The following RBMS3 variants were observed in gnomAD, a reference collection of about 807,000 sequenced individuals.
RBMS3 encodes the protein RNA binding motif single stranded interacting protein 3, also known as RNA-binding motif, single-stranded-interacting protein 3.
A neutral mutation model predicts 66.8 loss-of-function variants in RBMS3; 27 were observed. The ratio of observed to expected loss-of-function variants is 0.40; its 90% CI spans 0.30 to 0.56. The LOEUF is 0.56. Ranked by LOEUF, RBMS3 falls within the 20% of genes least tolerant of loss-of-function variation. The probability of loss-of-function intolerance (pLI) is 0.40; values close to 1 mark genes in which losing one functional copy is unlikely to be tolerated. For synonymous variants in RBMS3, 188 were observed against 183.0 expected (o/e 1.03, Z -0.22); for missense variants, 513 against 549.5 (o/e 0.93, Z 0.66).
At chr3:29,460,167 G>A (rs1037973351) in intron 2 of RBMS3, among the ~76,000 whole-genome samples, 13 of 152,108 alleles carry the variant, frequency 8.5e-5, no homozygotes, top group African/African-American at 2.4e-4. Context: ...AAATAAAATC[G>A]ATACACCATT....
chr3:29,511,025 G>C (rs995813749), intron 3 of RBMS3, among the ~76,000 whole-genome samples: 3 of 152,216 alleles, frequency 2.0e-5, no homozygotes, highest in Non-Finnish European at 4.4e-5. Context: ...TTGGCCGGGC[G>C]TGGTGGCTCA....
intron 4 of RBMS3, among the ~76,000 whole-genome samples, chr3:29,728,028 TAAA>T (rs1203177960): frequency 1.3e-5 from 2 of 152,098 alleles, no homozygotes; most frequent in East Asian, 3.8e-4. Context: ...TATGCAGCCA[TAAA>T]AAGAATGAGT....
At chr3:29,676,629 T>C (rs1216955929) in intron 4 of RBMS3, among the ~76,000 whole-genome samples, 1 of 152,214 alleles carries the variant, frequency 6.6e-6, no homozygotes, top group Non-Finnish European at 1.5e-5. Context: ...AATCATTTTA[T>C]ATAATGACTG....
chr3:29,288,584 T>C (rs1193378131), intron 1 of RBMS3, among the ~76,000 whole-genome samples: 2 of 152,012 alleles, frequency 1.3e-5, no homozygotes, highest in Non-Finnish European at 2.9e-5. Flanking sequence ...TTTAACTTCC[T>C]CTCTACAGGT....
At chr3:29,364,438 T>A (rs2037782712) in intron 1 of RBMS3, among the ~76,000 whole-genome samples, 1 of 152,178 alleles carries the variant, frequency 6.6e-6, no homozygotes, top group Non-Finnish European at 1.5e-5. Flanking sequence ...GTATGTCTTA[T>A]CTAGGTATTC....
intron 1 of RBMS3, among the ~76,000 whole-genome samples, chr3:29,344,539 A>G (rs1354456349): frequency 6.6e-6 from 1 of 152,188 alleles, no homozygotes; most frequent in South Asian, 2.1e-4. Flanking sequence ...TTAGCTTCAT[A>G]AGACTCTTGT....
Position 29,832,107 on chromosome 3 carries a change from G to A in RBMS3, c.638-36751G>A, listed in dbSNP as rs1219908782. Among the ~76,000 whole-genome samples the A allele has an allele frequency of 2.0e-5, 3 of 152,014 alleles. No homozygotes were observed. The East Asian group carries it at 5.8e-4, about 29-fold the overall frequency. ...AATAGTAACAAAATATACATCACAA[G>A]ATGTTTGTAAAGATTTAATGAGATA... On this transcript the variant is annotated intron_variant, in intron 6 of 14. Transcript: ENST00000383767.
At chr3:29,459,642 G>A (rs111695283) in intron 2 of RBMS3, among the ~76,000 whole-genome samples, 122 of 152,306 alleles carry the variant, frequency 8.0e-4, no homozygotes, top group African/African-American at 2.7e-3. Context: ...AAAGTGATTA[G>A]AGTAAAGGCC....
chr3:29,440,698 G>A (rs144517765), intron 2 of RBMS3, among the ~76,000 whole-genome samples: 14 of 152,330 alleles, frequency 9.2e-5, no homozygotes, highest in African/African-American at 3.4e-4. Flanking sequence ...GTCTGCCCAA[G>A]CTAATCTCCC....
intron 3 of RBMS3, among the ~76,000 whole-genome samples, chr3:29,555,241 G>T (rs2046315360): frequency 6.6e-6 from 1 of 152,182 alleles, no homozygotes; most frequent in South Asian, 2.1e-4. Context: ...AGTCTGAATA[G>T]TGCATAGCAT....
chr3:29,385,380 G>A (rs545342800), intron 1 of RBMS3, among the ~76,000 whole-genome samples: 6 of 152,050 alleles, frequency 3.9e-5, no homozygotes, highest in African/African-American at 7.2e-5. Context: ...TCTGGAACTC[G>A]GTCATACAGA....
At chr3:29,994,186 C>T (rs1264865991) in intron 14 of RBMS3, among the ~76,000 whole-genome samples, 5 of 152,190 alleles carry the variant, frequency 3.3e-5, no homozygotes, top group Admixed American at 6.5e-5. Context: ...CCTGGAAAAT[C>T]GGGTCACTCC....
intron 12 of RBMS3, among the ~76,000 whole-genome samples, chr3:29,970,638 A>G (rs1007645078): frequency 6.6e-6 from 1 of 152,184 alleles, no homozygotes; most frequent in Non-Finnish European, 1.5e-5. Context: ...ATGATTGTCT[A>G]AAATCCTCAA....
At chr3:29,398,093 C>T (rs1476410753) in intron 1 of RBMS3, among the ~76,000 whole-genome samples, 1 of 152,152 alleles carries the variant, frequency 6.6e-6, no homozygotes, top group Non-Finnish European at 1.5e-5. Context: ...CAGATTCCTT[C>T]TTTACAACTT....
intron 4 of RBMS3, among the ~76,000 whole-genome samples, chr3:29,691,944 T>TCTCTCTCC: frequency 1.5e-5 from 2 of 129,064 alleles, no homozygotes; most frequent in Non-Finnish European, 3.3e-5. Flanking sequence ...TCTCTCTCTC[T>TCTCTCTCC]CTCTATTTTT....
At chr3:29,697,576 G>T (rs779667601) in intron 4 of RBMS3, among the ~76,000 whole-genome samples, 1 of 152,156 alleles carries the variant, frequency 6.6e-6, no homozygotes, top group Non-Finnish European at 1.5e-5. Flanking sequence ...TGTCCAAAAT[G>T]CCTGGGACCA....
At chr3:29,564,019 A>G (rs921748358) in intron 3 of RBMS3, among the ~76,000 whole-genome samples, 3 of 151,430 alleles carry the variant, frequency 2.0e-5, no homozygotes, top group Non-Finnish European at 2.9e-5. Context: ...AAAAAAAAAG[A>G]AAAAGAAAAA....
At chr3:29,768,246 A>G (rs776859546) in intron 6 of RBMS3, among the ~76,000 whole-genome samples, 4 of 151,976 alleles carry the variant, frequency 2.6e-5, no homozygotes, top group Non-Finnish European at 4.4e-5. Flanking sequence ...GCAGCTGGAC[A>G]ACATCATGGT....
At chr3:30,003,800 G>T in intron 14 of RBMS3, 56 bp from the exon 15 acceptor site, 1 of 1,275,694 alleles carries the variant, frequency 7.8e-7, no homozygotes, top group Non-Finnish European at 1.0e-6. Flanking sequence ...GGGCACAGAA[G>T]GTGATTTCAA....
Sources: allele counts gnomAD v4.1 joint callset (sites outside exome capture counted in the v4.1 genomes callset), GRCh38; gene constraint gnomAD v4.1.1; transcripts MANE v1.5; gene names NCBI Gene and HGNC (gene_info 2026-07-23, HGNC 2026-07-21).